NCOA6: variants seen among roughly 807,000 people sequenced by gnomAD.
The protein encoded by NCOA6 is nuclear receptor coactivator 6.
In NCOA6, 49 loss-of-function variants were observed where a neutral mutation model predicts 171.4. The ratio of observed to expected loss-of-function variants is 0.29; its 90% CI spans 0.23 to 0.36. The LOEUF is 0.36. NCOA6 is among the 10% of genes least tolerant of loss of function. NCOA6 has a pLI of 1.00. For synonymous variants in NCOA6, 910 were observed against 927.5 expected (o/e 0.98, Z 0.34); for missense variants, 2,248 against 2,554.5 (o/e 0.88, Z 2.59).
intron 14 of NCOA6, among the ~76,000 whole-genome samples, chr20:34,722,784 G>A (rs1326145413): frequency 2.0e-5 from 3 of 151,262 alleles, no homozygotes; most frequent in Admixed American, 2.0e-4. Flanking sequence ...TCAGGACTTC[G>A]AGACCAGCCT....
At chr20:34,807,726 C>T (rs1403476849) in intron 1 of NCOA6, among the ~76,000 whole-genome samples, 4 of 151,972 alleles carry the variant, frequency 2.6e-5, no homozygotes, top group Admixed American at 6.6e-5. Flanking sequence ...GGGGTTTCAC[C>T]GTGTTAGCCA....
chr20:34,761,213 T>C (rs2076807964), intron 5 of NCOA6, among the ~76,000 whole-genome samples: 1 of 152,236 alleles, frequency 6.6e-6, no homozygotes, highest in Non-Finnish European at 1.5e-5. Context: ...ATTTCCCTCA[T>C]AACTTACAGC....
chr20:34,808,436 C>CGTT (rs1407640787), intron 1 of NCOA6, among the ~76,000 whole-genome samples: 2 of 125,492 alleles, frequency 1.6e-5, no homozygotes, highest in Non-Finnish European at 3.4e-5. Context: ...CTTGTCTGTG[C>CGTT]TTTTTTTTTT....
chr20:34,802,583 G>A (rs777787254), intron 1 of NCOA6, among the ~76,000 whole-genome samples: 2 of 150,694 alleles, frequency 1.3e-5, no homozygotes, highest in Non-Finnish European at 2.9e-5. Context: ...CCTGGCAACA[G>A]AGCAAGACTC....
rs1168384877 is a variant in NCOA6 at position 34,741,046 on chromosome 20, C to T, written c.5210G>A (p.Arg1737Gln). The T allele has an allele frequency of 6.2e-6, 10 of 1,614,070 alleles. No individual in the cohort carries two copies. The highest frequency in any genetic ancestry group is 4.0e-5 in the African/African-American group (3 of 74,926). The part of the protein sequence containing the change: ...QTGRPLVLSS[R>Q]ATPVQLPSPP... Reference sequence around the variant, plus strand: ...GGAAGGAAGCTGAACAGGGGTGGCTCGTGAGCTAAGGACCAAAGGTCGACC... The same window carrying T: ...GGAAGGAAGCTGAACAGGGGTGGCTTGTGAGCTAAGGACCAAAGGTCGACC... The change falls in exon 11 of 15, where the codon CGA (arginine) becomes CAA (glutamine). Residue 1737 changes from arginine to glutamine, a missense_variant. Around this residue, in one of 7 missense-constraint regions of NCOA6, gnomAD observed 884 missense variants for 941.9 expected, o/e 0.94. Transcript: ENST00000359003.
rs185631107 is a variant in NCOA6 at position 34,740,350 on chromosome 20, C to T, written c.5893+13G>A. On this transcript the variant is annotated intron_variant, in intron 11 of 14. Transcript: ENST00000359003. ...AACTGACACAAAGAGATGATGAAGC[C>T]CCAAGTACATACCTATGCTGGGTAG... 1.6e-5 allele frequency: 26 copies of T among 1,606,874 alleles called. No individual in the cohort carries two copies. Among genetic ancestry groups the T allele is most frequent in the Admixed American group, 1.0e-4 (6 of 59,508 alleles).
intron 1 of NCOA6, among the ~76,000 whole-genome samples, chr20:34,824,253 C>T (rs2079088171): frequency 6.6e-6 from 1 of 152,150 alleles, no homozygotes; most frequent in Non-Finnish European, 1.5e-5. Flanking sequence ...CACCTTTCTC[C>T]CAGCTAGCAA....
In NCOA6 at chr20:34,760,137, T is replaced by C. The variant is rs115997249; in HGVS notation, c.515-1204A>G. Among the ~76,000 whole-genome samples the C allele has an allele frequency of 2.5e-3, 382 of 152,026 alleles. 1 individual carries two copies. The highest frequency in any genetic ancestry group is 8.7e-3 in the African/African-American group (359 of 41,478). The stretch of plus-strand genomic sequence containing the variant: ...TACAAAAAATAAAAAAATCAGCCAG[T>C]GTGGTGGCAAGCGCCTGGATTCCTA... On this transcript the variant is annotated intron_variant, in intron 5 of 14. Transcript: ENST00000359003.
chr20:34,814,972 A>G (rs2078784902), intron 1 of NCOA6, among the ~76,000 whole-genome samples: 1 of 152,212 alleles, frequency 6.6e-6, no homozygotes, highest in African/African-American at 2.4e-5. Flanking sequence ...ATCAGGAAGA[A>G]CTGCCTGGGC....
chr20:34,747,650 C>T (rs911795475), intron 9 of NCOA6, among the ~76,000 whole-genome samples: 16 of 152,142 alleles, frequency 1.1e-4, no homozygotes, highest in Non-Finnish European at 2.2e-4. Flanking sequence ...TCTTTAGTTT[C>T]CCTTTGCCCT....
rs759631975 is a variant in NCOA6 at position 34,741,032 on chromosome 20, G to C, written c.5224C>G (p.Gln1742Glu). 7 of 1,614,240 alleles carry C rather than the reference G, an allele frequency of 4.3e-6. No homozygotes were observed. The highest frequency in any genetic ancestry group is 5.9e-6 in the Non-Finnish European group (7 of 1,180,040). Residue 1742 changes from glutamine to glutamate, a missense_variant, in exon 11 of 15, where the codon CAG becomes GAG. Gln to Glu is a conservative substitution (Grantham distance 29). Coordinates refer to ENST00000359003, the MANE Select transcript of NCOA6 (RefSeq NM_014071.5). ...LVLSSRATPVQLPSPPCTSSP... is the reference protein window; with the variant it reads ...LVLSSRATPVELPSPPCTSSP... ...GACGTACAAGGAGGGGAAGGAAGCT[G>C]AACAGGGGTGGCTCGTGAGCTAAGG...
chr20:34,813,328 T>G (rs892432293), intron 1 of NCOA6, among the ~76,000 whole-genome samples: 9 of 151,816 alleles, frequency 5.9e-5, no homozygotes, highest in African/African-American at 2.2e-4. Context: ...TAGCCAGGCA[T>G]GGTGGCGGGC....
At chr20:34,819,487 C>T (rs2078938926) in intron 1 of NCOA6, 1 of 152,150 alleles carries the variant, frequency 6.6e-6, no homozygotes, top group African/African-American at 2.4e-5. Flanking sequence ...CAGTTTGCAA[C>T]CTCTGCTACA....
chr20:34,762,432 A>C (rs1044318647), intron 5 of NCOA6, among the ~76,000 whole-genome samples: 6 of 152,014 alleles, frequency 3.9e-5, no homozygotes, highest in African/African-American at 1.4e-4. Context: ...ATTGTTTACT[A>C]GTATATTTTG....
At chr20:34,816,408 G>T (rs6060061) in intron 1 of NCOA6, among the ~76,000 whole-genome samples, 1 of 152,038 alleles carries the variant, frequency 6.6e-6, no homozygotes, top group South Asian at 2.1e-4. Context: ...GACCTTATAA[G>T]GGAAATTTGG....
chr20:34,721,668 C>T (rs1461998101), intron 14 of NCOA6, among the ~76,000 whole-genome samples: 2 of 152,240 alleles, frequency 1.3e-5, no homozygotes, highest in African/African-American at 2.4e-5. Flanking sequence ...CAGTAATGCT[C>T]GCTTGCCCAC....
At chr20:34,720,855 A>G (rs752378895) in intron 14 of NCOA6, among the ~76,000 whole-genome samples, 12 of 152,208 alleles carry the variant, frequency 7.9e-5, no homozygotes, top group East Asian at 1.9e-4. Flanking sequence ...AAATTATTTT[A>G]TAACTTGGTT....
intron 7 of NCOA6, among the ~76,000 whole-genome samples, chr20:34,756,395 G>GT (rs1475673049): frequency 6.6e-6 from 1 of 152,190 alleles, no homozygotes; most frequent in Non-Finnish European, 1.5e-5. Flanking sequence ...GATGCAAGGG[G>GT]TTTTTTCTGG....
Position 34,757,577 on chromosome 20 carries a change from G to A in NCOA6, c.1171C>T (p.Pro391Ser). 6.2e-7 allele frequency: 1 copy of A among 1,614,002 alleles called. No individual in the cohort carries two copies. Among genetic ancestry groups the A allele is most frequent in the Non-Finnish European group, 8.5e-7 (1 of 1,179,932 alleles). ...QQASQAHTNFPQMSNPGQFTA... is the reference protein window; with the variant it reads ...QQASQAHTNFSQMSNPGQFTA... ...AACTGGCCTGGGTTGCTCATCTGAGGAAAGTTTGTGTGGGCTTGTGAGGCT... is the reference window on the plus strand; with the variant it reads ...AACTGGCCTGGGTTGCTCATCTGAGAAAAGTTTGTGTGGGCTTGTGAGGCT... The change falls in exon 7 of 15, where the codon CCT (proline) becomes TCT (serine). Residue 391 changes from proline (P) to serine (S), a missense_variant. Physicochemically the swap from Pro to Ser is moderately conservative, Grantham distance 74 (BLOSUM62 -1). Coordinates refer to ENST00000359003, the MANE Select transcript of NCOA6 (RefSeq NM_014071.5).
Sources: allele counts gnomAD v4.1 joint callset (sites outside exome capture counted in the v4.1 genomes callset), GRCh38; gene constraint gnomAD v4.1.1; regional missense constraint gnomAD v4.1.1; transcripts MANE v1.5; gene names NCBI Gene and HGNC (gene_info 2026-07-23, HGNC 2026-07-21).